Variants in DLGAP2 observed in about 807,000 individuals in gnomAD.
The protein encoded by DLGAP2 is disks large-associated protein 2.
In DLGAP2, 26 loss-of-function variants were observed where a neutral mutation model predicts 100.3. That is an observed-to-expected ratio of 0.26 (90% CI 0.19 to 0.36). The LOEUF is 0.36. Among genes scored for constraint, DLGAP2 ranks in the 10% least tolerant of loss-of-function variants. DLGAP2 has a pLI of 1.00. For missense variants in DLGAP2, 1,858 were observed against 1,453.2 expected, an observed-to-expected ratio of 1.28 and a Z score of -4.53; for synonymous variants, 886 against 630.1, an observed-to-expected ratio of 1.41 and a Z score of -6.08.
At chr8:1,629,403 G>A (rs916994932) in intron 7 of DLGAP2, among the ~76,000 whole-genome samples, 2 of 152,186 alleles carry the variant, frequency 1.3e-5, no homozygotes, top group African/African-American at 4.8e-5. Flanking sequence ...GGAATGGTGG[G>A]TCCTCCAGCC....
At chr8:1,477,344 G>A (rs1222297236) in intron 3 of DLGAP2, among the ~76,000 whole-genome samples, 1 of 152,176 alleles carries the variant, frequency 6.6e-6, no homozygotes, top group East Asian at 1.9e-4. Context: ...TGGAAGGCCA[G>A]CTGGACAGGC....
chr8:1,592,277 A>C (rs912958092), intron 6 of DLGAP2, among the ~76,000 whole-genome samples: 6 of 152,178 alleles, frequency 3.9e-5, no homozygotes, highest in African/African-American at 7.2e-5. Context: ...TTATTAGTCT[A>C]AGGTTGATTA....
intron 2 of DLGAP2, among the ~76,000 whole-genome samples, chr8:1,030,107 C>A (rs1163661326): frequency 1.3e-5 from 2 of 152,186 alleles, no homozygotes; most frequent in Non-Finnish European, 2.9e-5. Context: ...AAAATACATA[C>A]TTTCACACCA....
At chr8:1,007,935 G>C (rs528192164) in intron 2 of DLGAP2, among the ~76,000 whole-genome samples, 12 of 152,134 alleles carry the variant, frequency 7.9e-5, no homozygotes, top group African/African-American at 2.9e-4. Flanking sequence ...CATGGCGCCC[G>C]GTCCGTCTCG....
chr8:778,457 T>A lies in DLGAP2; in HGVS notation c.18+40632T>A, dbSNP rs184166206. Among the ~76,000 whole-genome samples, 1,190 of 152,332 alleles carry A rather than the reference T, an allele frequency of 7.8e-3. 15 individuals carry two copies. Among genetic ancestry groups the A allele is most frequent in the African/African-American group, 0.027 (1,120 of 41,570 alleles). The stretch of plus-strand genomic sequence containing the variant: ...GAGTTTCCAGTTTTTCTCTTCTGTT[T>A]TTTCCCCATCTTTGTGGTTTTATCT... On this transcript the variant is annotated intron_variant, in intron 1 of 14. Transcript: ENST00000637795.
At position 1,375,129 on chromosome 8, in the gene DLGAP2, ACC is replaced by A. The variant is rs1563113621; in HGVS notation, c.106+116247_106+116248del. Among the ~76,000 whole-genome samples the A allele has an allele frequency of 8.8e-3, 1,201 of 137,136 alleles. 83 individuals carry two copies. The highest frequency in any genetic ancestry group is 0.024 in the Middle Eastern group (6 of 252). The allele number at this position is 137,136 out of a possible 152,430, so 90.0% of individuals were successfully genotyped here. On this transcript the variant is annotated intron_variant, in intron 3 of 14. Coordinates refer to ENST00000637795, the MANE Select transcript of DLGAP2 (RefSeq NM_001346810.2). ...CACCTCCTACATTTGGGTTAACGAC[ACC>A]TCTCCACGACCTCAGAACTGATCCC...
At chr8:1,419,205 CGTGTGTGTGT>C (rs59073892) in intron 3 of DLGAP2, among the ~76,000 whole-genome samples, 7 of 73,756 alleles carry the variant, frequency 9.5e-5, no homozygotes, top group South Asian at 4.8e-4. Context: ...CTGATGCGTG[CGTGTGTGTGT>C]GTGTGTGTGT....
chr8:1,379,468 C>T (rs907619093), intron 3 of DLGAP2: 8 of 152,350 alleles, frequency 5.3e-5, no homozygotes, highest in Non-Finnish European at 1.2e-4. Flanking sequence ...GGCCTCTCCT[C>T]ATGGCGAATT....
chr8:1,223,531 G>C lies in DLGAP2; in HGVS notation c.74-35320G>C, dbSNP rs551897366. Among the ~76,000 whole-genome samples the C allele has an allele frequency of 7.9e-5, 12 of 152,284 alleles. No homozygotes were observed. The South Asian group carries it at 2.3e-3, about 29-fold the overall frequency. ...AAGAAAAATATCATTGTATAAGAAG[G>C]GCTGCTTGAAAGAATGGTTTGACCA... On this transcript the variant is annotated intron_variant, in intron 2 of 14. Coordinates refer to ENST00000637795, the MANE Select transcript of DLGAP2 (RefSeq NM_001346810.2).
chr8:1,305,657 A>G (rs992469270), intron 3 of DLGAP2, among the ~76,000 whole-genome samples: 8 of 152,212 alleles, frequency 5.3e-5, no homozygotes, highest in African/African-American at 1.9e-4. Flanking sequence ...AAAACCTACC[A>G]TAAACACTGC....
chr8:1,682,759 C>G (rs146958430), intron 12 of DLGAP2, among the ~76,000 whole-genome samples: 3 of 151,530 alleles, frequency 2.0e-5, no homozygotes, highest in African/African-American at 7.3e-5. Context: ...CAGGTATGAA[C>G]CACCATGCCC....
intron 3 of DLGAP2, among the ~76,000 whole-genome samples, chr8:1,468,825 A>G (rs1047745029): frequency 6.6e-6 from 1 of 152,166 alleles, no homozygotes; most frequent in Non-Finnish European, 1.5e-5. Flanking sequence ...CTCTCCATGG[A>G]TGCCAGCAGC....
intron 8 of DLGAP2, among the ~76,000 whole-genome samples, chr8:1,661,930 G>C (rs1016067737): frequency 3.9e-5 from 6 of 152,246 alleles, no homozygotes; most frequent in Non-Finnish European, 8.8e-5. Flanking sequence ...ACAGTATGGT[G>C]AGCCTGGGTG....
intron 1 of DLGAP2, among the ~76,000 whole-genome samples, chr8:787,003 A>G (rs1285595058): frequency 1.3e-5 from 2 of 151,974 alleles, no homozygotes; most frequent in African/African-American, 2.4e-5. Flanking sequence ...CAGGAACAAG[A>G]CCTTTCTCTT....
intron 6 of DLGAP2, among the ~76,000 whole-genome samples, chr8:1,601,899 A>T (rs983836929): frequency 2.6e-5 from 4 of 151,752 alleles, no homozygotes; most frequent in African/African-American, 7.3e-5. Context: ...AGGCAATCTG[A>T]GGTAGCTATG....
chr8:1,293,778 T>C (rs971694508), intron 3 of DLGAP2, among the ~76,000 whole-genome samples: 1 of 152,220 alleles, frequency 6.6e-6, no homozygotes, highest in Non-Finnish European at 1.5e-5. Context: ...TCCCAGAGTC[T>C]CCTTCTTCAC....
Position 749,722 on chromosome 8 carries a change from T to A in DLGAP2, c.18+11897T>A, listed in dbSNP as rs150719785. ...ACAGAATTATTGATTAATGGGTGTGTTTAGTTTCCTAGGGGCTGCTATAAC... is the reference window on the plus strand; with the variant it reads ...ACAGAATTATTGATTAATGGGTGTGATTAGTTTCCTAGGGGCTGCTATAAC... On this transcript the variant is annotated intron_variant, in intron 1 of 14. Transcript: ENST00000637795. Among the ~76,000 whole-genome samples, 7 of 152,356 alleles carry A rather than the reference T, an allele frequency of 4.6e-5. No homozygotes were observed. In the East Asian group the frequency reaches 1.4e-3, roughly 29 times the overall value.
chr8:1,658,164 C>G (rs1182853894), intron 8 of DLGAP2, among the ~76,000 whole-genome samples: 2 of 152,032 alleles, frequency 1.3e-5, no homozygotes, highest in East Asian at 3.9e-4. Context: ...AGGGCTCCAC[C>G]CTCCACCTGG....
intron 6 of DLGAP2, among the ~76,000 whole-genome samples, chr8:1,605,756 G>C (rs772936110): frequency 6.6e-6 from 1 of 152,188 alleles, no homozygotes; most frequent in African/African-American, 2.4e-5. Flanking sequence ...GAAGCCAGCA[G>C]CTCCCCACTC....
Sources: allele counts gnomAD v4.1 joint callset (sites outside exome capture counted in the v4.1 genomes callset), GRCh38; gene constraint gnomAD v4.1.1; transcripts MANE v1.5; gene names NCBI Gene and HGNC (gene_info 2026-07-23, HGNC 2026-07-21).